Variants in ATP5PF observed in about 807,000 individuals in gnomAD.
ATP5PF encodes ATP synthase peripheral stalk subunit F6.
Under a neutral mutation model 12.0 loss-of-function variants are expected in ATP5PF, and 7 were observed. The observed-to-expected ratio is 0.58, with a 90% CI of 0.33 to 1.10. The LOEUF is 1.10. Among genes scored for constraint, ATP5PF ranks in the 50% least tolerant of loss-of-function variants. The probability of loss-of-function intolerance (pLI) is 0.03; values close to 1 mark genes in which losing one functional copy is unlikely to be tolerated. For synonymous variants in ATP5PF, 41 were observed against 45.4 expected (o/e 0.90, Z 0.39); for missense variants, 120 against 127.7 (o/e 0.94, Z 0.29).
Position 25,731,519 on chromosome 21 carries a change from G to C in ATP5PF, c.-7-1718C>G, listed in dbSNP as rs541391772. 2.0e-5 allele frequency among the ~76,000 whole-genome samples: 3 copies of C among 151,922 alleles called. No individual in the cohort carries two copies. The South Asian group carries it at 6.3e-4, about 32-fold the overall frequency. Reference sequence around the variant, plus strand: ...CCCACCTTAGCCTCCCAAGTAGATGGGAGCACAGTTGTGTGCCATCACACC... The same window carrying C: ...CCCACCTTAGCCTCCCAAGTAGATGCGAGCACAGTTGTGTGCCATCACACC... On this transcript the variant is annotated intron_variant, in intron 1 of 3. Coordinates refer to ENST00000284971, the MANE Select transcript of ATP5PF (RefSeq NM_001003703.2).
At chr21:25,734,652 A>C in intron 1 of ATP5PF, 4 of 489,984 alleles carry the variant, frequency 8.2e-6, no homozygotes, top group Non-Finnish European at 6.8e-6. Flanking sequence ...GAGGGTATCG[A>C]TCTTATTTCT....
At chr21:25,734,573 C>T (rs781112945) in intron 1 of ATP5PF, 18 of 437,692 alleles carry the variant, frequency 4.1e-5, no homozygotes, top group Non-Finnish European at 5.7e-5. Context: ...TTGGGTTGCC[C>T]CAGCCAGGCT....
chr21:25,735,039 G>A, upstream of ATP5PF: 17 of 1,414,904 alleles, frequency 1.2e-5, no homozygotes, highest in Non-Finnish European at 1.6e-5. Context: ...GTCTAGGTGA[G>A]ACAGAAGCCA....
chr21:25,735,102 C>T (rs150566464), upstream of ATP5PF: 19 of 795,204 alleles, frequency 2.4e-5, no homozygotes, highest in East Asian at 4.3e-4. Flanking sequence ...GGCACAGCCT[C>T]CGCCATCTTT....
At chr21:25,735,141 C>T, upstream of ATP5PF, 3 of 670,100 alleles carry the variant, frequency 4.5e-6, no homozygotes, top group South Asian at 5.1e-5. Flanking sequence ...CGTTCTTTTT[C>T]CCCTCCTTGA....
chr21:25,730,840 A>T (rs2034754976), intron 1 of ATP5PF, among the ~76,000 whole-genome samples: 1 of 151,396 alleles, frequency 6.6e-6, no homozygotes, highest in Admixed American at 6.6e-5. Flanking sequence ...TAACTAAAAC[A>T]TTTCAGTAGA....
rs970480807 is a variant in ATP5PF, at chr21:25,729,815, C to T, written c.-7-14G>A. 3 of 1,608,528 alleles carry T rather than the reference C, an allele frequency of 1.9e-6. No homozygotes were observed. The highest frequency in any genetic ancestry group is 2.7e-5 in the African/African-American group (2 of 74,390). On this transcript the variant is annotated splice_polypyrimidine_tract_variant and intron_variant, in intron 1 of 3. Coordinates refer to ENST00000284971, the MANE Select transcript of ATP5PF (RefSeq NM_001003703.2). Reference sequence around the variant, plus strand: ...ATCATGCTGATTCTGTTACAGAAAACAAGCAGCAGAAACGTTAATATACTT... The same window carrying T: ...ATCATGCTGATTCTGTTACAGAAAATAAGCAGCAGAAACGTTAATATACTT...
chr21:25,735,019 G>C (rs749264162), upstream of ATP5PF: 3 of 1,517,466 alleles, frequency 2.0e-6, no homozygotes, highest in African/African-American at 2.8e-5. Flanking sequence ...GACAGTCTGC[G>C]ACCGGACGGG....
intron 2 of ATP5PF, among the ~76,000 whole-genome samples, chr21:25,728,584 C>A (rs2034677055): frequency 6.6e-6 from 1 of 152,144 alleles, no homozygotes; most frequent in Non-Finnish European, 1.5e-5. Flanking sequence ...CTACTGAAGG[C>A]CTCCTGTGGG....
chr21:25,727,337 T>G (rs1396426164), intron 2 of ATP5PF, among the ~76,000 whole-genome samples: 1 of 152,240 alleles, frequency 6.6e-6, no homozygotes, highest in Non-Finnish European at 1.5e-5. Context: ...ATCTTGCTTA[T>G]TACTATATTC....
chr21:25,731,681 T>C (rs959021338), intron 1 of ATP5PF, among the ~76,000 whole-genome samples: 1 of 152,004 alleles, frequency 6.6e-6, no homozygotes, highest in African/African-American at 2.4e-5. Flanking sequence ...AATTTCCTAA[T>C]AGCAATACTG....
Position 25,730,736 on chromosome 21 carries a change from C to CAA in ATP5PF, c.-7-937_-7-936dup, listed in dbSNP as rs71183508. ...GCAACAAGAGCAAGACTCCGTCTCA[C>CAA]AAAAAAAAAAAAAAAAAAAAAAAAA... On this transcript the variant is annotated intron_variant, in intron 1 of 3. Coordinates refer to ENST00000284971, the MANE Select transcript of ATP5PF (RefSeq NM_001003703.2). Among the ~76,000 whole-genome samples the CAA allele has an allele frequency of 1.8e-3, 56 of 31,892 alleles. 10 individuals are homozygous for CAA. The highest frequency in any genetic ancestry group is 2.5e-3 in the Non-Finnish European group (36 of 14,380). 20.9% of individuals were successfully genotyped at this position (31,892 alleles called of 152,430 possible).
In ATP5PF at chr21:25,725,319, C is replaced by CT; in HGVS notation, c.195dup (p.Glu66ArgfsTer12). 2 of 1,611,964 alleles carry CT rather than the reference C, an allele frequency of 1.2e-6. No homozygotes were observed. The highest frequency in any genetic ancestry group is 8.5e-7 in the Non-Finnish European group (1 of 1,179,740). The stretch of plus-strand genomic sequence containing the variant: ...TCCCTCTCCAGCTCTTGCTGATACT[C>CT]TGAACTAGCATCAACAGGTCCTCCA... On this transcript the variant is annotated frameshift_variant, in exon 3 of 4. Transcript: ENST00000284971. LOFTEE classifies it high-confidence loss of function.
rs567534030 is a variant in ATP5PF, at chr21:25,734,185, T to C, written c.-8+668A>G. ...GAAATACCACCTGACATAAATTCTCTATTCCAGTACCATCGGGTGCCACGA... is the reference window on the plus strand; with the variant it reads ...GAAATACCACCTGACATAAATTCTCCATTCCAGTACCATCGGGTGCCACGA... On this transcript the variant is annotated intron_variant, in intron 1 of 3. Transcript: ENST00000284971. 1.4e-4 allele frequency: 48 copies of C among 351,090 alleles called. No homozygotes were observed. In the East Asian group the frequency reaches 7.2e-3, roughly 53 times the overall value. 21.7% of individuals were successfully genotyped at this position (351,090 alleles called of 1,614,324 possible).
rs558639036 is a variant in ATP5PF, at chr21:25,734,900, G to A, written c.-55C>T. ...CAAAGCCTCCGCCGCCACCACCTCCGCTCTACTTCCGGCCCTGGCTCCGCC... is the reference window on the plus strand; with the variant it reads ...CAAAGCCTCCGCCGCCACCACCTCCACTCTACTTCCGGCCCTGGCTCCGCC... On this transcript the variant is annotated 5_prime_UTR_variant, in exon 1 of 4. Transcript: ENST00000284971. The A allele has an allele frequency of 5.0e-5, 78 of 1,560,998 alleles. No homozygotes were observed. Among genetic ancestry groups the A allele is most frequent in the Non-Finnish European group, 6.4e-5 (74 of 1,156,120 alleles).
At chr21:25,735,231 T>G (rs1481291619), upstream of ATP5PF, 7 of 580,776 alleles carry the variant, frequency 1.2e-5, no homozygotes, top group African/African-American at 1.9e-5. Context: ...GTCCTGTTCG[T>G]TAGGGTTATC....
intron 1 of ATP5PF, among the ~76,000 whole-genome samples, chr21:25,732,748 G>T (rs1337748214): frequency 4.6e-5 from 7 of 151,892 alleles, no homozygotes. Flanking sequence ...ACTTTGGGAG[G>T]CCAAGGTGGG....
At chr21:25,735,326 C>T (rs530392554), upstream of ATP5PF, 19 of 259,658 alleles carry the variant, frequency 7.3e-5, no homozygotes, top group Admixed American at 1.5e-4. Flanking sequence ...TCGTGAGCCT[C>T]CGTTGCCTTG....
At chr21:25,728,932 C>T (rs1045726545) in intron 2 of ATP5PF, among the ~76,000 whole-genome samples, 5 of 152,220 alleles carry the variant, frequency 3.3e-5, no homozygotes, top group African/African-American at 4.8e-5. Context: ...AAGTGCTTTA[C>T]ACACAGTAGA....
Sources: allele counts gnomAD v4.1 joint callset (sites outside exome capture counted in the v4.1 genomes callset), GRCh38; gene constraint gnomAD v4.1.1; transcripts MANE v1.5; gene names NCBI Gene and HGNC (gene_info 2026-07-23, HGNC 2026-07-21).